ARCN1: variants seen among roughly 807,000 people sequenced by gnomAD.
ARCN1 encodes coatomer subunit delta.
A neutral mutation model predicts 60.4 loss-of-function variants in ARCN1; 5 were observed. The ratio of observed to expected loss-of-function variants is 0.08; its 90% CI spans 0.04 to 0.17. ARCN1 has a LOEUF of 0.17. Ranked by LOEUF, ARCN1 falls within the 10% of genes least tolerant of loss-of-function variation. ARCN1 has a pLI of 1.00. For missense variants in ARCN1, 464 were observed against 626.5 expected (o/e 0.74, Z 2.77); for synonymous variants, 224 against 220.0 (o/e 1.02, Z -0.16).
At chr11:118,575,556 T>C (rs1182728938) in intron 1 of ARCN1, among the ~76,000 whole-genome samples, 4 of 152,120 alleles carry the variant, frequency 2.6e-5, no homozygotes, top group African/African-American at 9.7e-5. Flanking sequence ...ATTGTAATCT[T>C]CTCTCTGATT....
At chr11:118,596,715 G>T (rs533797244) in intron 8 of ARCN1, among the ~76,000 whole-genome samples, 1 of 152,252 alleles carries the variant, frequency 6.6e-6, no homozygotes, top group South Asian at 2.1e-4. Context: ...GTGTGTAGGG[G>T]TGCAGAGTAA....
Position 118,593,056 on chromosome 11 carries a change from G to T in ARCN1, c.1132+200G>T, listed in dbSNP as rs150142422. Reference sequence around the variant, plus strand: ...TAATAGCTTTCATTTTGAAACCATTGTAGTTTTGTTGTTGTTATTGTTTTA... The same window carrying T: ...TAATAGCTTTCATTTTGAAACCATTTTAGTTTTGTTGTTGTTATTGTTTTA... On this transcript the variant is annotated intron_variant, in intron 7 of 9. Transcript: ENST00000264028. 9.1e-4 allele frequency among the ~76,000 whole-genome samples: 139 copies of T among 152,236 alleles called. 4 individuals are homozygous for T. The East Asian group carries it at 0.012, about 13-fold the overall frequency.
chr11:118,600,860 T>C lies in ARCN1; in HGVS notation c.*146T>C. On this transcript the variant is annotated 3_prime_UTR_variant, in exon 10 of 10. Transcript: ENST00000264028. ...CACGATTCTCTGCGCGCAAGGACCC[T>C]CGACTCACCCCCATGTTTCAGTGTC... The C allele has an allele frequency of 1.9e-6, 1 of 535,508 alleles. No individual in the cohort carries two copies. The highest frequency in any genetic ancestry group is 3.3e-6 in the Non-Finnish European group (1 of 302,452). 33.2% of individuals were successfully genotyped at this position (535,508 alleles called of 1,614,324 possible).
rs782770888 is a variant in ARCN1, at chr11:118,600,607, C to T, written c.1447-18C>T. The T allele has an allele frequency of 2.5e-6, 4 of 1,588,896 alleles. No individual in the cohort carries two copies. Among genetic ancestry groups the T allele is most frequent in the Non-Finnish European group, 3.4e-6 (4 of 1,162,708 alleles). ...CTCAAACCTCCTGCTTTACCTTACT[C>T]TTTGTTTATTTTCCTAGGTTACCAA... On this transcript the variant is annotated intron_variant, in intron 9 of 9. Coordinates refer to ENST00000264028, the MANE Select transcript of ARCN1 (RefSeq NM_001655.5).
At chr11:118,591,941 A>T (rs1938921868) in intron 6 of ARCN1, among the ~76,000 whole-genome samples, 1 of 150,510 alleles carries the variant, frequency 6.6e-6, no homozygotes, top group African/African-American at 2.5e-5. Context: ...ATTTTTTGAG[A>T]CGGAGTTTCA....
In ARCN1 at chr11:118,601,337, C is replaced by G; in HGVS notation, c.*623C>G. ...TCAGCCTCCCAAAGTGTTGGGATTA[C>G]AGGCATGAGCCACCATGCCCAGCTG... is the stretch of plus-strand genomic sequence containing the variant. On this transcript the variant is annotated 3_prime_UTR_variant, in exon 10 of 10. Coordinates refer to ENST00000264028, the MANE Select transcript of ARCN1 (RefSeq NM_001655.5). The G allele has an allele frequency of 2.2e-6, 1 of 454,608 alleles. No homozygotes were observed. Among genetic ancestry groups the G allele is most frequent in the Admixed American group, 2.8e-5 (1 of 36,192 alleles). 28.2% of individuals were successfully genotyped at this position (454,608 alleles called of 1,614,324 possible).
rs1466243145 is a variant in ARCN1, at chr11:118,590,327, C to G, written c.819-14C>G. ...TCTACCTTTCTGAACAAATGTATTACTTTCTCTTTATAGTGTACATATGAA... is the reference window on the plus strand; with the variant it reads ...TCTACCTTTCTGAACAAATGTATTAGTTTCTCTTTATAGTGTACATATGAA... On this transcript the variant is annotated splice_polypyrimidine_tract_variant and intron_variant, in intron 5 of 9. Coordinates refer to ENST00000264028, the MANE Select transcript of ARCN1 (RefSeq NM_001655.5). 1 of 1,604,640 alleles carries G rather than the reference C, an allele frequency of 6.2e-7. No individual in the cohort carries two copies. Among genetic ancestry groups the G allele is most frequent in the Non-Finnish European group, 8.5e-7 (1 of 1,173,248 alleles).
At chr11:118,573,076 GAC>G in intron 1 of ARCN1, 1 of 159,822 alleles carries the variant, frequency 6.3e-6, no homozygotes, top group Non-Finnish European at 1.4e-5. Flanking sequence ...GGGAAATGGA[GAC>G]ACAGAGCGGA....
chr11:118,574,224 G>T (rs1439883015), intron 1 of ARCN1, among the ~76,000 whole-genome samples: 2 of 152,178 alleles, frequency 1.3e-5, no homozygotes, highest in Non-Finnish European at 2.9e-5. Flanking sequence ...GTACTCTGGA[G>T]AACAATTTAT....
chr11:118,591,319 A>G (rs1325100794), intron 6 of ARCN1, among the ~76,000 whole-genome samples: 2 of 152,188 alleles, frequency 1.3e-5, no homozygotes, highest in Non-Finnish European at 2.9e-5. Flanking sequence ...GTCTTTTGGA[A>G]GCAGTGCTTA....
At chr11:118,589,174 T>G (rs1362126679) in intron 5 of ARCN1, among the ~76,000 whole-genome samples, 4 of 152,278 alleles carry the variant, frequency 2.6e-5, no homozygotes, top group South Asian at 4.1e-4. Flanking sequence ...ATAATCTGCT[T>G]CTTAATGGTT....
At chr11:118,597,974 G>A in intron 9 of ARCN1, 63 bp downstream of exon 9, 1 of 1,533,636 alleles carries the variant, frequency 6.5e-7, no homozygotes, top group East Asian at 2.3e-5. Flanking sequence ...ACACGTATAG[G>A]ATGCCAGACA....
intron 1 of ARCN1, among the ~76,000 whole-genome samples, chr11:118,578,681 G>A (rs73023350): frequency 0.17 from 25,183 of 151,898 alleles, 2,658 homozygotes; most frequent in East Asian, 0.53. Context: ...CCCTGAAACT[G>A]TATGTAAAAT....
In ARCN1 at chr11:118,595,324, A is replaced by C. The variant is rs151208301; in HGVS notation, c.1241+1626A>C. Among the ~76,000 whole-genome samples the C allele has an allele frequency of 5.5e-3, 844 of 152,368 alleles. 9 individuals carry two copies. The highest frequency in any genetic ancestry group is 0.018 in the African/African-American group (753 of 41,584). ...AGTCTCTAAACTTTCACTAAAGATG[A>C]GAGTGTGTTCAAGGGAACTGTTGAT... On this transcript the variant is annotated intron_variant, in intron 8 of 9. Transcript: ENST00000264028.
chr11:118,584,908 C>T (rs1591385546), intron 5 of ARCN1, among the ~76,000 whole-genome samples: 2 of 151,496 alleles, frequency 1.3e-5, no homozygotes, highest in Admixed American at 1.3e-4. Context: ...TCGCTGCAAG[C>T]TCTCCCTCCC....
At chr11:118,598,659 T>C (rs1555077612) in intron 9 of ARCN1, among the ~76,000 whole-genome samples, 3 of 151,982 alleles carry the variant, frequency 2.0e-5, no homozygotes, top group Non-Finnish European at 4.4e-5. Flanking sequence ...CATGCCCTGC[T>C]AATTTTTGTA....
chr11:118,599,834 A>G (rs1939112246), intron 9 of ARCN1, among the ~76,000 whole-genome samples: 1 of 151,962 alleles, frequency 6.6e-6, no homozygotes, highest in African/African-American at 2.4e-5. Context: ...AGCTTCCCAT[A>G]TGGTCTCCGT....
rs1555077457 is a variant in ARCN1 at position 118,597,852 on chromosome 11, A to T, written c.1387A>T (p.Asn463Tyr). The T allele has an allele frequency of 6.2e-7, 1 of 1,614,218 alleles. No homozygotes were observed. The highest frequency in any genetic ancestry group is 1.7e-5 in the Admixed American group (1 of 60,016). Residue 463 changes from asparagine (N) to tyrosine (Y), a missense_variant, in exon 9 of 10, where the codon AAT becomes TAT. Physicochemically the swap from Asn to Tyr is moderately radical, Grantham distance 143. Transcript: ENST00000264028. Reference protein sequence around the residue: ...SLEFSIAGQPNDFFPVQVSFV... With the variant: ...SLEFSIAGQPYDFFPVQVSFV... ...GGAGTTTAGCATTGCTGGGCAGCCC[A>T]ATGACTTCTTCCCTGTTCAAGTTTC...
rs1939160954 is a variant in ARCN1 at position 118,602,164 on chromosome 11, A to T, written c.*1450A>T. 1 of 173,924 alleles carries T rather than the reference A, an allele frequency of 5.7e-6. No homozygotes were observed. Among genetic ancestry groups the T allele is most frequent in the Non-Finnish European group, 1.2e-5 (1 of 80,416 alleles). The allele number at this position is 173,924 out of a possible 1,614,324, so 10.8% of individuals were successfully genotyped here. A position where few individuals can be genotyped will look rare whatever the true frequency, so the allele number is the denominator to read the frequency against. On this transcript the variant is annotated 3_prime_UTR_variant, in exon 10 of 10. Coordinates refer to ENST00000264028, the MANE Select transcript of ARCN1 (RefSeq NM_001655.5). ...GGCAACTGATTGTTTCGATATGTAC[A>T]TATTACTCACGTATACCCCATTTCC...
Sources: gnomAD v4.1 joint callset for allele counts (sites outside exome capture counted in the v4.1 genomes callset) on GRCh38, gnomAD v4.1.1 for gene constraint, MANE v1.5 for transcripts, NCBI Gene and HGNC (gene_info 2026-07-23, HGNC 2026-07-21) for gene names.